MAP3K6: variants seen among roughly 807,000 people sequenced by gnomAD.
MAP3K6 encodes the protein mitogen-activated protein kinase kinase kinase 6, also known as apoptosis signal-regulating kinase 2.
Under a neutral mutation model 147.1 loss-of-function variants are expected in MAP3K6, and 105 were observed. The observed-to-expected ratio is 0.71, with a 90% CI of 0.61 to 0.84. The LOEUF is 0.84. MAP3K6 is among the 40% of genes least tolerant of loss of function. The pLI is 0.00. For synonymous variants in MAP3K6, 695 were observed against 732.4 expected (o/e 0.95, Z 0.82); for missense variants, 1,569 against 1,715.0 (o/e 0.91, Z 1.50).
Position 27,357,868 on chromosome 1 carries a change from T to C in MAP3K6, c.2924A>G (p.Glu975Gly). 2 of 1,590,886 alleles carry C rather than the reference T, an allele frequency of 1.3e-6. No homozygotes were observed. Among genetic ancestry groups the C allele is most frequent in the Non-Finnish European group, 1.7e-6 (2 of 1,173,624 alleles). The change falls in exon 22 of 29, where the codon GAG becomes GGG. Residue 975 changes from glutamate to glycine, a missense_variant. Transcript: ENST00000357582. The part of the protein sequence containing the change: ...YGGTSQLRVP[E>G]EPAAEEPASP... ...CGCAGGCTCCTCGGCCGCAGGCTCC[T>C]CGGGCACCCTGGGCACAAGGGCGAG...
At position 27,359,646 on chromosome 1, in the gene MAP3K6, C is replaced by A; in HGVS notation, c.2320-124G>T. 1 of 1,457,610 alleles carries A rather than the reference C, an allele frequency of 6.9e-7. No homozygotes were observed. The allele number at this position is 1,457,610 out of a possible 1,614,324, so 90.3% of individuals were successfully genotyped here. A position where few individuals can be genotyped will look rare whatever the true frequency, so the allele number is the denominator to read the frequency against. On this transcript the variant is annotated intron_variant, in intron 17 of 28. Transcript: ENST00000357582. The surrounding 1 kb of genome is among the most constrained non-coding windows in gnomAD (Gnocchi z 4.4). ...TGCCTCTGTCAACACTCTCCCCTTGCCATCCCACTTATATGCCCCTCTGGG... is the reference window on the plus strand; with the variant it reads ...TGCCTCTGTCAACACTCTCCCCTTGACATCCCACTTATATGCCCCTCTGGG...
At chr1:27,365,232 A>G (rs1019288447) in intron 1 of MAP3K6, among the ~76,000 whole-genome samples, 1 of 152,162 alleles carries the variant, frequency 6.6e-6, no homozygotes, top group Non-Finnish European at 1.5e-5. Flanking sequence ...GGAGTTGCGC[A>G]AACATAGAAG....
rs775398297 is a variant in MAP3K6 at position 27,355,362 on chromosome 1, G to A, written c.*29C>T. 2 of 1,593,228 alleles carry A rather than the reference G, an allele frequency of 1.3e-6. No homozygotes were observed. The highest frequency in any genetic ancestry group is 1.7e-6 in the Non-Finnish European group (2 of 1,160,972). On this transcript the variant is annotated 3_prime_UTR_variant, in exon 29 of 29. Coordinates refer to ENST00000357582, the MANE Select transcript of MAP3K6 (RefSeq NM_004672.5). The stretch of plus-strand genomic sequence containing the variant: ...TCTCCATTCATCCATCCTTGGGCCT[G>A]TCTGGCCTATGATGCCCTCATTCAG...
chr1:27,365,978 C>A (rs2015964774), intron 1 of MAP3K6, among the ~76,000 whole-genome samples: 2 of 151,216 alleles, frequency 1.3e-5, no homozygotes, highest in East Asian at 4.0e-4. Flanking sequence ...CCTTGCCCCG[C>A]TGGCTGGGCA....
In MAP3K6 at chr1:27,360,661, C is replaced by A. The variant is rs376142326; in HGVS notation, c.2054+44G>T. 5.1e-6 allele frequency: 8 copies of A among 1,582,054 alleles called. No individual in the cohort carries two copies. In the African/African-American group the frequency reaches 8.1e-5, roughly 16 times the overall value. On this transcript the variant is annotated intron_variant, in intron 15 of 28. Coordinates refer to ENST00000357582, the MANE Select transcript of MAP3K6 (RefSeq NM_004672.5). The surrounding 1 kb of genome is among the most constrained non-coding windows in gnomAD (Gnocchi z 4.5). Reference sequence around the variant, plus strand: ...TCCGCTCGTGGCCCGGCTCACTCGGCCCTCGCGAGCCCTCAGCCCCACCCG... The same window carrying A: ...TCCGCTCGTGGCCCGGCTCACTCGGACCTCGCGAGCCCTCAGCCCCACCCG...
At chr1:27,361,917 G>T in intron 9 of MAP3K6, 50 bp from the exon 10 acceptor site, 2 of 1,498,046 alleles carry the variant, frequency 1.3e-6, no homozygotes, top group East Asian at 2.4e-5. Flanking sequence ...AACCAGCACT[G>T]CCAGGGAGAG....
chr1:27,366,414 G>A lies in MAP3K6; in HGVS notation c.184C>T (p.Arg62Trp). The A allele has an allele frequency of 4.1e-6, 5 of 1,228,608 alleles. No individual in the cohort carries two copies. Among genetic ancestry groups the A allele is most frequent in the Non-Finnish European group, 5.1e-6 (5 of 985,312 alleles). The allele number at this position is 1,228,608 out of a possible 1,614,324, so 76.1% of individuals were successfully genotyped here. ...AGCGGCTCCGCCTCGGTTCCCTCCC[G>A]AGGCTCGAGCCCGGGCTGCGGCTCC... ...TREPQPGLEPREGTEAEPLPL... is the reference protein window; with the variant it reads ...TREPQPGLEPWEGTEAEPLPL... The change falls in exon 1 of 29, where the codon CGG becomes TGG. Residue 62 changes from arginine (R) to tryptophan (W), a missense_variant. Arg to Trp is a moderately radical substitution (Grantham distance 101, BLOSUM62 -3). Coordinates refer to ENST00000357582, the MANE Select transcript of MAP3K6 (RefSeq NM_004672.5). This position sits in a 1 kb window ranked among gnomAD's most constrained non-coding sequence, Gnocchi z 5.5.
At chr1:27,365,421 G>A (rs866115290) in intron 1 of MAP3K6, among the ~76,000 whole-genome samples, 3 of 152,282 alleles carry the variant, frequency 2.0e-5, no homozygotes, top group Non-Finnish European at 4.4e-5. Flanking sequence ...ACATGTATGC[G>A]ATTTGTGTCT....
In MAP3K6 at chr1:27,360,421, C is replaced by T; in HGVS notation, c.2055-53G>A. The stretch of plus-strand genomic sequence containing the variant: ...GGGACCGAGGTGGGCAGAGAAGCCC[C>T]GCCCATCCCACGCCAGCCTGGCCCC... On this transcript the variant is annotated intron_variant, in intron 15 of 28. Transcript: ENST00000357582. This position sits in a 1 kb window ranked among gnomAD's most constrained non-coding sequence, Gnocchi z 4.5. 3 of 1,577,306 alleles carry T rather than the reference C, an allele frequency of 1.9e-6. No homozygotes were observed. The highest frequency in any genetic ancestry group is 1.8e-5 in the Admixed American group (1 of 56,812).
chr1:27,366,402 C>G lies in MAP3K6; in HGVS notation c.196G>C (p.Glu66Gln), dbSNP rs1347127853. The change falls in exon 1 of 29, where the codon GAG becomes CAG. Residue 66 changes from glutamate to glutamine, a missense_variant. By Grantham distance (29) the Glu-to-Gln change is conservative. Transcript: ENST00000357582. This position sits in a 1 kb window ranked among gnomAD's most constrained non-coding sequence, Gnocchi z 5.5. ...CAGCGCAGGGGCAGCGGCTCCGCCTCGGTTCCCTCCCGAGGCTCGAGCCCG... is the reference window on the plus strand; with the variant it reads ...CAGCGCAGGGGCAGCGGCTCCGCCTGGGTTCCCTCCCGAGGCTCGAGCCCG... ...QPGLEPREGT[E>Q]AEPLPLRCLR... The G allele has an allele frequency of 8.2e-7, 1 of 1,223,766 alleles. No homozygotes were observed. Among genetic ancestry groups the G allele is most frequent in the Admixed American group, 4.4e-5 (1 of 22,910 alleles). 75.8% of individuals were successfully genotyped at this position (1,223,766 alleles called of 1,614,324 possible). A position where few individuals can be genotyped will look rare whatever the true frequency, so the allele number is the denominator to read the frequency against.
Position 27,359,726 on chromosome 1 carries a change from G to T in MAP3K6, c.2319+132C>A. On this transcript the variant is annotated intron_variant, in intron 17 of 28. Coordinates refer to ENST00000357582, the MANE Select transcript of MAP3K6 (RefSeq NM_004672.5). This position sits in a 1 kb window ranked among gnomAD's most constrained non-coding sequence, Gnocchi z 4.4. ...AACCTTTCCCCTCCTTCTCTAAGGA[G>T]CCTCCCTGATGAATTCCCTACCCTT... 7.0e-7 allele frequency: 1 copy of T among 1,429,722 alleles called. No individual in the cohort carries two copies. The allele number at this position is 1,429,722 out of a possible 1,614,324, so 88.6% of individuals were successfully genotyped here. A position where few individuals can be genotyped will look rare whatever the true frequency, so the allele number is the denominator to read the frequency against.
rs143650267 is a variant in MAP3K6, at chr1:27,358,836, A to G, written c.2456T>C (p.Ile819Thr). Residue 819 changes from isoleucine to threonine, a missense_variant, in exon 19 of 29, where the codon ATT becomes ACT. Ile to Thr is a moderately conservative substitution (Grantham distance 89). Coordinates refer to ENST00000357582, the MANE Select transcript of MAP3K6 (RefSeq NM_004672.5). The surrounding 1 kb of genome is among the most constrained non-coding windows in gnomAD (Gnocchi z 6.2). ...CCCATACCCGCGTGGGCCCTGGTCA[A>G]TGATTTCTGGGGCCATATACTGCAG... ...GTLQYMAPEIIDQGPRGYGKA... is the reference protein window; with the variant it reads ...GTLQYMAPEITDQGPRGYGKA... 9 of 1,600,298 alleles carry G rather than the reference A, an allele frequency of 5.6e-6. No individual in the cohort carries two copies. The highest frequency in any genetic ancestry group is 2.2e-5 in the East Asian group (1 of 44,768).
Position 27,366,714 on chromosome 1 carries a change from C to G in MAP3K6, c.-117G>C. 1 of 778,212 alleles carries G rather than the reference C, an allele frequency of 1.3e-6. No individual in the cohort carries two copies. Among genetic ancestry groups the G allele is most frequent in the Non-Finnish European group, 1.6e-6 (1 of 637,312 alleles). The allele number at this position is 778,212 out of a possible 1,614,324, so 48.2% of individuals were successfully genotyped here. A position where few individuals can be genotyped will look rare whatever the true frequency, so the allele number is the denominator to read the frequency against. ...ATCCGTTCGGAATCGGAGAATCTCC[C>G]ACGGGATCTAGGGATCCGGAATACG... is the stretch of plus-strand genomic sequence containing the variant. On this transcript the variant is annotated 5_prime_UTR_variant, in exon 1 of 29. Transcript: ENST00000357582. The surrounding 1 kb of genome is among the most constrained non-coding windows in gnomAD (Gnocchi z 5.5).
In MAP3K6 at chr1:27,360,777, AC is replaced by A. The variant is rs1360409113; in HGVS notation, c.1981del (p.Val661TrpfsTer45). 7.4e-6 allele frequency: 12 copies of A among 1,611,818 alleles called. No individual in the cohort carries two copies. Among genetic ancestry groups the A allele is most frequent in the Non-Finnish European group, 7.6e-6 (9 of 1,179,730 alleles). On this transcript the variant is annotated frameshift_variant, in exon 15 of 29. Transcript: ENST00000357582. LOFTEE classifies it high-confidence loss of function. This position sits in a 1 kb window ranked among gnomAD's most constrained non-coding sequence, Gnocchi z 4.5. ...GTGGCGATCGCGGCCCGCGTACACC[AC>A]CCCATACGTGCCCTTGCCCAGCACC... ...RLVLGKGTYGVVYAGRDRHTR... is the reference protein window; with the variant it reads ...RLVLGKGTYGXVYAGRDRHTR...
At chr1:27,363,267 C>A (rs998827518) in intron 6 of MAP3K6, among the ~76,000 whole-genome samples, 175 bp downstream of exon 6, 2 of 152,110 alleles carry the variant, frequency 1.3e-5, no homozygotes, top group Non-Finnish European at 2.9e-5. Flanking sequence ...CCACCTCCCC[C>A]ACCCCGACCC....
Position 27,358,997 on chromosome 1 carries a change from C to T in MAP3K6, c.2426-131G>A. 1 of 894,294 alleles carries T rather than the reference C, an allele frequency of 1.1e-6. No homozygotes were observed. The highest frequency in any genetic ancestry group is 1.7e-5 in the South Asian group (1 of 57,978). The allele number at this position is 894,294 out of a possible 1,614,324, so 55.4% of individuals were successfully genotyped here. A position where few individuals can be genotyped will look rare whatever the true frequency, so the allele number is the denominator to read the frequency against. On this transcript the variant is annotated intron_variant, in intron 18 of 28. Transcript: ENST00000357582. The surrounding 1 kb of genome is among the most constrained non-coding windows in gnomAD (Gnocchi z 6.2). ...TATCATCCAAAATATACCTCAACAC[C>T]TATCCTGGTCATCAAACATCTATCC...
chr1:27,357,275 G>T, intron 23 of MAP3K6, 125 bp downstream of exon 23: 1 of 1,385,428 alleles, frequency 7.2e-7, no homozygotes, highest in Non-Finnish European at 9.9e-7. Context: ...ACGGTTTTTT[G>T]CTGCAGGCCT....
Position 27,362,854 on chromosome 1 carries a change from T to A in MAP3K6, c.1139A>T (p.His380Leu), listed in dbSNP as rs1258245185. Residue 380 changes from histidine to leucine, a missense_variant, in exon 7 of 29, where the codon CAC becomes CTC. His to Leu is a moderately conservative substitution (Grantham distance 99). Coordinates refer to ENST00000357582, the MANE Select transcript of MAP3K6 (RefSeq NM_004672.5). ...GGCCACTCACTGTGCTCTTTACCAG[T>A]GATAGGCCTGCTCCCGGTGCCCAGC... ...QDAGHREQAY[H>L]WYRKAFDVEP... 1.2e-6 allele frequency: 2 copies of A among 1,613,720 alleles called. No individual in the cohort carries two copies. Among genetic ancestry groups the A allele is most frequent in the East Asian group, 2.2e-5 (1 of 44,886 alleles).
Position 27,355,459 on chromosome 1 carries a change from C to A in MAP3K6, c.3799G>T (p.Val1267Leu). The change falls in exon 29 of 29, where the codon GTA becomes TTA. Residue 1267 changes from valine (V) to leucine (L), a missense_variant. Physicochemically the swap from Val to Leu is conservative, Grantham distance 32. Transcript: ENST00000357582. ...LIYTRIRGGM[V>L]CRIWRAILAQ... is the part of the protein sequence containing the mutation. ...AAGATGGCCCTCCAGATGCGGCATACCATCCCTCCCCTGGGGGTAATGGAC... is the reference window on the plus strand; with the variant it reads ...AAGATGGCCCTCCAGATGCGGCATAACATCCCTCCCCTGGGGGTAATGGAC... The A allele has an allele frequency of 1.2e-6, 2 of 1,614,128 alleles. No homozygotes were observed. The highest frequency in any genetic ancestry group is 1.7e-6 in the Non-Finnish European group (2 of 1,180,008).
Sources: allele counts gnomAD v4.1 joint callset (sites outside exome capture counted in the v4.1 genomes callset), GRCh38; gene constraint gnomAD v4.1.1; non-coding constraint Gnocchi (gnomAD v3.1); transcripts MANE v1.5; gene names NCBI Gene and HGNC (gene_info 2026-07-23, HGNC 2026-07-21).